Variants in MAGI2 observed in about 807,000 individuals in gnomAD.
MAGI2 encodes the protein membrane associated guanylate kinase, WW and PDZ domain containing 2.
MAGI2 carries 35 observed loss-of-function variants against 133.3 expected under a neutral mutation model. That is an observed-to-expected ratio of 0.26 (90% CI 0.20 to 0.35). The LOEUF (loss-of-function observed/expected upper bound fraction) is 0.35. Ranked by LOEUF, MAGI2 falls within the 10% of genes least tolerant of loss-of-function variation. MAGI2 has a pLI of 1.00. For missense variants in MAGI2, 1,636 were observed against 1,863.4 expected (o/e 0.88, Z 2.25); for synonymous variants, 729 against 710.6 (o/e 1.03, Z -0.41).
chr7:78,207,937 C>T (rs1230584392), intron 10 of MAGI2, among the ~76,000 whole-genome samples: 1 of 152,116 alleles, frequency 6.6e-6, no homozygotes, highest in Non-Finnish European at 1.5e-5. Context: ...GTGGCCTGAT[C>T]TCGGCTCACT....
chr7:78,711,673 G>A (rs1819205773), intron 2 of MAGI2, among the ~76,000 whole-genome samples: 1 of 152,066 alleles, frequency 6.6e-6, no homozygotes, highest in South Asian at 2.1e-4. Flanking sequence ...TGTTGCTCTG[G>A]CATATCTTCT....
At chr7:79,215,879 T>C (rs1829991028) in intron 1 of MAGI2, among the ~76,000 whole-genome samples, 1 of 151,946 alleles carries the variant, frequency 6.6e-6, no homozygotes. Flanking sequence ...TCAGTTACTT[T>C]TTGGTTTACA....
At chr7:78,844,633 G>A (rs945813177) in intron 2 of MAGI2, among the ~76,000 whole-genome samples, 18 of 151,820 alleles carry the variant, frequency 1.2e-4, no homozygotes, top group African/African-American at 4.1e-4. Flanking sequence ...TGGTTTCCAG[G>A]AGAGGGTGGA....
intron 1 of MAGI2, among the ~76,000 whole-genome samples, chr7:79,420,102 T>A (rs1444308505): frequency 6.6e-6 from 1 of 152,090 alleles, no homozygotes; most frequent in African/African-American, 2.4e-5. Context: ...ATAGCCTGGA[T>A]CTTTCTCTGA....
At chr7:78,760,523 T>G (rs1045961723) in intron 2 of MAGI2, among the ~76,000 whole-genome samples, 2 of 152,070 alleles carry the variant, frequency 1.3e-5, no homozygotes, top group African/African-American at 4.8e-5. Flanking sequence ...CCACCGTACC[T>G]GGCTAATTTT....
At chr7:78,095,409 C>T (rs1180036080) in intron 20 of MAGI2, among the ~76,000 whole-genome samples, 1 of 152,150 alleles carries the variant, frequency 6.6e-6, no homozygotes, top group Non-Finnish European at 1.5e-5. Flanking sequence ...GCTGAAGCCC[C>T]AAATCACCTT....
At chr7:78,381,931 T>C (rs1562919653) in intron 6 of MAGI2, among the ~76,000 whole-genome samples, 1 of 152,116 alleles carries the variant, frequency 6.6e-6, no homozygotes, top group Non-Finnish European at 1.5e-5. Context: ...CTCAAAAATC[T>C]CTCCTCTGAG....
At chr7:78,336,487 CCAAGG>C (rs897643459) in intron 9 of MAGI2, among the ~76,000 whole-genome samples, 1 of 152,090 alleles carries the variant, frequency 6.6e-6, no homozygotes, top group African/African-American at 2.4e-5. Flanking sequence ...TTTTGGGAGG[CCAAGG>C]CAGGAGCCTT....
At chr7:78,047,664 C>T (rs1018268216) in intron 21 of MAGI2, among the ~76,000 whole-genome samples, 4 of 152,222 alleles carry the variant, frequency 2.6e-5, no homozygotes, top group Admixed American at 6.5e-5. Flanking sequence ...CAATATTGTC[C>T]TTGTGGCCCC....
chr7:78,999,694 G>GCTACTGTTTAGAAGCTT (rs1291323252), intron 2 of MAGI2, among the ~76,000 whole-genome samples: 9 of 152,176 alleles, frequency 5.9e-5, no homozygotes, highest in Admixed American at 2.6e-4. Context: ...TCAAGTATAT[G>GCTACTGTTTAGAAGCTT]CTACTGTTTA....
intron 1 of MAGI2, among the ~76,000 whole-genome samples, chr7:79,281,652 A>G (rs1835649224): frequency 6.6e-6 from 1 of 152,160 alleles, no homozygotes; most frequent in Non-Finnish European, 1.5e-5. Flanking sequence ...ACATCTTTCA[A>G]AGGACGTCTG....
At chr7:79,170,137 C>CTTTTTTTTTTTTTTTTT (rs10539344) in intron 1 of MAGI2, among the ~76,000 whole-genome samples, 19 of 42,950 alleles carry the variant, frequency 4.4e-4, no homozygotes, top group East Asian at 1.9e-3. Context: ...AGATATTATA[C>CTTTTTTTTTTTTTTTTT]TTTTTTTTTT....
intron 1 of MAGI2, among the ~76,000 whole-genome samples, chr7:79,438,735 C>T (rs1329833778): frequency 1.3e-5 from 2 of 152,128 alleles, no homozygotes; most frequent in East Asian, 3.9e-4. Flanking sequence ...AAGCTCACCT[C>T]CTCCCTCCAT....
At chr7:78,036,273 A>G (rs1411046014) in intron 21 of MAGI2, among the ~76,000 whole-genome samples, 1 of 152,186 alleles carries the variant, frequency 6.6e-6, no homozygotes, top group Non-Finnish European at 1.5e-5. Context: ...TGTGCAAATT[A>G]CTTAACTTCT....
chr7:78,073,563 T>G (rs1396932056), intron 21 of MAGI2, among the ~76,000 whole-genome samples: 6 of 152,240 alleles, frequency 3.9e-5, no homozygotes, highest in Admixed American at 3.9e-4. Context: ...CTGATTAACT[T>G]TGAACAGCAG....
chr7:78,566,688 T>C (rs891329176), intron 3 of MAGI2, among the ~76,000 whole-genome samples: 2 of 152,240 alleles, frequency 1.3e-5, no homozygotes, highest in African/African-American at 4.8e-5. Context: ...TTCATTGTCC[T>C]AACACTTTAT....
rs576927488 is a variant in MAGI2 at position 78,411,522 on chromosome 7, C to G, written c.1046-42309G>C. Among the ~76,000 whole-genome samples the G allele has an allele frequency of 2.0e-5, 3 of 151,994 alleles. No homozygotes were observed. In the East Asian group the frequency reaches 5.8e-4, roughly 30 times the overall value. On this transcript the variant is annotated intron_variant, in intron 6 of 21. Transcript: ENST00000354212. The stretch of plus-strand genomic sequence containing the variant: ...TAATAACTAATACTGGCAGACTGAC[C>G]AACTAGAATTCACTCTGTCATAAGC...
chr7:78,424,512 C>A (rs1326419159), intron 6 of MAGI2, among the ~76,000 whole-genome samples: 3 of 152,124 alleles, frequency 2.0e-5, no homozygotes, highest in African/African-American at 4.8e-5. Context: ...AAAAGGGTCA[C>A]CATCCTCCAG....
At chr7:78,647,830 G>A (rs1481997554) in intron 2 of MAGI2, among the ~76,000 whole-genome samples, 1 of 152,158 alleles carries the variant, frequency 6.6e-6, no homozygotes, top group Non-Finnish European at 1.5e-5. Context: ...AAAAGGATGA[G>A]TTCATGTCCT....
Sources: allele counts gnomAD v4.1 joint callset (sites outside exome capture counted in the v4.1 genomes callset), GRCh38; gene constraint gnomAD v4.1.1; transcripts MANE v1.5; gene names NCBI Gene and HGNC (gene_info 2026-07-23, HGNC 2026-07-21).